TMEM117: variants seen among roughly 807,000 people sequenced by gnomAD.
The protein encoded by TMEM117 is transmembrane protein 117.
A neutral mutation model predicts 52.4 loss-of-function variants in TMEM117; 27 were observed. That is an observed-to-expected ratio of 0.51 (90% CI 0.38 to 0.71). The LOEUF (loss-of-function observed/expected upper bound fraction) is 0.71. Ranked by LOEUF, TMEM117 falls within the 30% of genes least tolerant of loss-of-function variation. The pLI, the probability that TMEM117 is intolerant of heterozygous loss-of-function variation, is 0.00. For missense variants in TMEM117, 556 were observed against 630.5 expected (o/e 0.88, Z 1.26); for synonymous variants, 215 against 206.3 (o/e 1.04, Z -0.36).
At chr12:44,336,674 G>A (rs1195040880) in intron 6 of TMEM117, among the ~76,000 whole-genome samples, 1 of 151,770 alleles carries the variant, frequency 6.6e-6, no homozygotes, top group Non-Finnish European at 1.5e-5. Flanking sequence ...GTGCCTGAAG[G>A]TTGCATTTAA....
At chr12:43,905,514 T>A (rs1944371935) in intron 2 of TMEM117, among the ~76,000 whole-genome samples, 2 of 152,190 alleles carry the variant, frequency 1.3e-5, no homozygotes, top group Non-Finnish European at 2.9e-5. Flanking sequence ...TATTTATTTT[T>A]AAATATTTAT....
At chr12:44,187,949 C>A (rs77888876) in intron 4 of TMEM117, among the ~76,000 whole-genome samples, 1,745 of 152,140 alleles carry the variant, frequency 0.011, 22 homozygotes, top group South Asian at 0.052. Context: ...GATGAAATAA[C>A]AGCTTTTTTC....
At chr12:44,185,937 GTTA>G (rs753406794) in intron 4 of TMEM117, among the ~76,000 whole-genome samples, 207 of 150,654 alleles carry the variant, frequency 1.4e-3, no homozygotes, top group Middle Eastern at 0.014. Context: ...TTCTTATAGT[GTTA>G]TTATTAGTGC....
At chr12:44,201,017 A>G (rs969116383) in intron 4 of TMEM117, among the ~76,000 whole-genome samples, 9 of 152,206 alleles carry the variant, frequency 5.9e-5, no homozygotes, top group Admixed American at 2.6e-4. Context: ...AAGTTGGAAG[A>G]GTCCTCCACC....
At chr12:44,315,172 C>T (rs531851812) in intron 6 of TMEM117, among the ~76,000 whole-genome samples, 1 of 152,238 alleles carries the variant, frequency 6.6e-6, no homozygotes, top group South Asian at 2.1e-4. Flanking sequence ...AGCAGTCTAT[C>T]TGTCTTGTTT....
chr12:44,360,691 A>G (rs1299966983), intron 6 of TMEM117, among the ~76,000 whole-genome samples: 1 of 152,186 alleles, frequency 6.6e-6, no homozygotes, highest in Non-Finnish European at 1.5e-5. Context: ...TGTTTTTCCA[A>G]ATGGCAATCA....
chr12:44,224,906 G>A (rs1381593293), intron 5 of TMEM117, among the ~76,000 whole-genome samples: 3 of 152,002 alleles, frequency 2.0e-5, no homozygotes, highest in African/African-American at 7.2e-5. Flanking sequence ...CCCCAAAGCC[G>A]CGTCTGGAAA....
In TMEM117 at chr12:43,892,442, G is replaced by A. The variant is rs764317860; in HGVS notation, c.277+47514G>A. 1.1e-4 allele frequency among the ~76,000 whole-genome samples: 17 copies of A among 152,284 alleles called. No individual in the cohort carries two copies. In the East Asian group the frequency reaches 2.9e-3, roughly 26 times the overall value. On this transcript the variant is annotated intron_variant, in intron 2 of 7. Coordinates refer to ENST00000266534, the MANE Select transcript of TMEM117 (RefSeq NM_032256.3). ...GAAGGAAAGCAGGTGTTCAGGGTAA[G>A]CCATATCGTTTATATAAACATTTTA...
chr12:43,819,258 A>C, the TMEM117 span, among the ~76,000 whole-genome samples: 1 of 152,202 alleles, frequency 6.6e-6, no homozygotes, highest in Non-Finnish European at 1.5e-5. Flanking sequence ...TAAAGGAAAA[A>C]AAGAGTGAAG....
intron 4 of TMEM117, among the ~76,000 whole-genome samples, chr12:44,209,757 A>G (rs1949620690): frequency 6.6e-6 from 1 of 152,122 alleles, no homozygotes; most frequent in Non-Finnish European, 1.5e-5. Context: ...ACATTGAGAA[A>G]TAATATGAAG....
intron 5 of TMEM117, chr12:44,263,515 T>C (rs1339671474): frequency 6.6e-6 from 1 of 152,214 alleles, no homozygotes; most frequent in Non-Finnish European, 1.5e-5. Flanking sequence ...GGATTATAAA[T>C]CATTCTACCA....
At chr12:44,231,568 C>A (rs1312234870) in intron 5 of TMEM117, among the ~76,000 whole-genome samples, 2 of 151,664 alleles carry the variant, frequency 1.3e-5, no homozygotes, top group African/African-American at 4.8e-5. Context: ...TCTGGAATAT[C>A]ACTTTACACC....
At chr12:43,888,132 C>G (rs1944031177) in intron 2 of TMEM117, among the ~76,000 whole-genome samples, 1 of 152,106 alleles carries the variant, frequency 6.6e-6, no homozygotes, top group Non-Finnish European at 1.5e-5. Flanking sequence ...GATGTGTAAC[C>G]TTAAATAATT....
intron 2 of TMEM117, among the ~76,000 whole-genome samples, chr12:43,913,332 T>C (rs1292847577): frequency 6.6e-6 from 1 of 152,184 alleles, no homozygotes; most frequent in Non-Finnish European, 1.5e-5. Flanking sequence ...TAAACATTGC[T>C]TGAAACAATG....
intron 3 of TMEM117, among the ~76,000 whole-genome samples, chr12:44,079,951 C>T (rs192157691): frequency 7.1e-6 from 1 of 140,898 alleles, no homozygotes; most frequent in Non-Finnish European, 1.5e-5. Context: ...CCGGGGGGCA[C>T]AGGTTGTAGT....
At chr12:43,827,375 C>CA in the TMEM117 span, among the ~76,000 whole-genome samples, 13 of 152,092 alleles carry the variant, frequency 8.5e-5, no homozygotes, top group Admixed American at 8.5e-4. Flanking sequence ...AAGTGCCTGA[C>CA]ACAGAAGAGC....
intron 3 of TMEM117, among the ~76,000 whole-genome samples, chr12:44,129,808 A>T (rs1948385919): frequency 6.6e-6 from 1 of 152,236 alleles, no homozygotes; most frequent in Non-Finnish European, 1.5e-5. Context: ...AAACTGAAAC[A>T]ATCTAGTTTC....
the TMEM117 span, among the ~76,000 whole-genome samples, chr12:43,813,804 C>T: frequency 6.6e-6 from 1 of 152,092 alleles, no homozygotes; most frequent in Non-Finnish European, 1.5e-5. Context: ...AGTAGGTAAC[C>T]TGCAATTCAC....
chr12:43,939,179 C>G (rs925223289), intron 2 of TMEM117, among the ~76,000 whole-genome samples: 1 of 152,036 alleles, frequency 6.6e-6, no homozygotes, highest in African/African-American at 2.4e-5. Flanking sequence ...ACTATTATAT[C>G]TTTTGACTCC....
Sources: allele counts gnomAD v4.1 joint callset (sites outside exome capture counted in the v4.1 genomes callset), GRCh38; gene constraint gnomAD v4.1.1; transcripts MANE v1.5; gene names NCBI Gene and HGNC (gene_info 2026-07-23, HGNC 2026-07-21).